Variants in ANKRD55 observed in about 807,000 individuals in gnomAD.
ANKRD55 encodes the protein ankyrin repeat domain 55.
ANKRD55 carries 41 observed loss-of-function variants against 60.6 expected under a neutral mutation model. The ratio of observed to expected loss-of-function variants is 0.68; its 90% CI spans 0.53 to 0.88. ANKRD55 has a LOEUF of 0.88. ANKRD55 is among the 40% of genes least tolerant of loss of function. The probability of loss-of-function intolerance (pLI) is 0.00; values close to 1 mark genes in which losing one functional copy is unlikely to be tolerated. For missense variants in ANKRD55, 732 were observed against 767.6 expected, an observed-to-expected ratio of 0.95 and a Z score of 0.55; for synonymous variants, 264 against 290.3, an observed-to-expected ratio of 0.91 and a Z score of 0.92.
intron 2 of ANKRD55, among the ~76,000 whole-genome samples, chr5:56,201,103 C>T (rs1046124561): frequency 7.2e-5 from 11 of 152,116 alleles, no homozygotes; most frequent in African/African-American, 1.9e-4. Context: ...TATGGCAGGA[C>T]GGGAAGAATC....
chr5:56,164,867 C>A (rs1014129727), intron 5 of ANKRD55, among the ~76,000 whole-genome samples: 6 of 152,130 alleles, frequency 3.9e-5, no homozygotes, highest in African/African-American at 1.4e-4. Flanking sequence ...TGTGCCTTCA[C>A]GTTCATGATT....
intron 9 of ANKRD55, among the ~76,000 whole-genome samples, chr5:56,114,854 A>G (rs1187661849): frequency 6.6e-6 from 1 of 152,172 alleles, no homozygotes; most frequent in Non-Finnish European, 1.5e-5. Flanking sequence ...CTACGTATTT[A>G]TATAAGGCTG....
At position 56,100,046 on chromosome 5, in the gene ANKRD55, A is replaced by G. The variant is rs1756222414; in HGVS notation, c.*137T>C. 1 of 1,159,420 alleles carries G rather than the reference A, an allele frequency of 8.6e-7. No homozygotes were observed. The allele number at this position is 1,159,420 out of a possible 1,614,324, so 71.8% of individuals were successfully genotyped here. A position where few individuals can be genotyped will look rare whatever the true frequency, so the allele number is the denominator to read the frequency against. ...GGAGTATCTTTATTTGGAATAAAGA[A>G]TTTCGAGTTATAAAACTGATGGCTT... On this transcript the variant is annotated 3_prime_UTR_variant, in exon 12 of 12. Coordinates refer to ENST00000341048, the MANE Select transcript of ANKRD55 (RefSeq NM_024669.3).
intron 2 of ANKRD55, among the ~76,000 whole-genome samples, chr5:56,221,880 AAGGAGGCCTGCCTGCC>A (rs1412904494): frequency 1.3e-5 from 2 of 152,250 alleles, no homozygotes; most frequent in East Asian, 3.9e-4. Context: ...ACCGCAGTTC[AAGGAGGCCTGCCTGCC>A]TCTGTAGACT....
intron 2 of ANKRD55, among the ~76,000 whole-genome samples, chr5:56,186,977 A>C (rs1163544681): frequency 6.6e-6 from 1 of 152,262 alleles, no homozygotes; most frequent in African/African-American, 2.4e-5. Flanking sequence ...TATAACAGAC[A>C]TAAATGTATT....
chr5:56,111,197 G>A lies in ANKRD55; in HGVS notation c.1551C>T (p.Asp517=), dbSNP rs773228336. 6.2e-6 allele frequency: 10 copies of A among 1,614,122 alleles called. No homozygotes were observed. Among genetic ancestry groups the A allele is most frequent in the Non-Finnish European group, 1.7e-6 (2 of 1,180,058 alleles). The change falls in exon 10 of 12, where the codon GAC becomes GAT. Residue 517 remains aspartate, a synonymous_variant. Transcript: ENST00000341048. ...GACCAGGCCGGACACTGAGCAATCT[G>A]TCCAGCAGCTTATCAGAAGAAGACA... ...WTVSSSDKLL[D]RLLSVRPGHQ... is the part of the protein sequence containing the mutation.
chr5:56,192,526 T>G, intron 2 of ANKRD55: 1 of 323,042 alleles, frequency 3.1e-6, no homozygotes, highest in African/African-American at 2.2e-5. Context: ...CCACGGCCGA[T>G]GACAGAAATA....
chr5:56,223,109 T>G (rs1013983820), intron 2 of ANKRD55, among the ~76,000 whole-genome samples: 2 of 152,120 alleles, frequency 1.3e-5, no homozygotes, highest in Non-Finnish European at 2.9e-5. Context: ...GAGAGAAAGG[T>G]CGGGTTACCC....
intron 2 of ANKRD55, among the ~76,000 whole-genome samples, chr5:56,228,798 A>G (rs1226814425): frequency 6.6e-6 from 1 of 152,090 alleles, no homozygotes; most frequent in East Asian, 1.9e-4. Context: ...GTTTTAAGCT[A>G]CCCAGCTTGT....
chr5:56,107,106 C>G (rs1372049800), intron 10 of ANKRD55, among the ~76,000 whole-genome samples: 6 of 151,628 alleles, frequency 4.0e-5, no homozygotes, highest in African/African-American at 9.7e-5. Flanking sequence ...AATGACTAAG[C>G]TCCTTTCCAT....
intron 7 of ANKRD55, among the ~76,000 whole-genome samples, chr5:56,143,024 C>T (rs10065637): frequency 0.15 from 22,163 of 152,124 alleles, 2,095 homozygotes; most frequent in Middle Eastern, 0.31. Context: ...GAAATGCTGA[C>T]TGAAACCACA....
chr5:56,222,284 C>T (rs1759986075), intron 2 of ANKRD55, among the ~76,000 whole-genome samples: 2 of 152,168 alleles, frequency 1.3e-5, no homozygotes, highest in South Asian at 4.1e-4. Flanking sequence ...AGCTGAGGGT[C>T]ATGACTGTTA....
At chr5:56,116,243 A>C (rs1756882934) in intron 9 of ANKRD55, among the ~76,000 whole-genome samples, 1 of 152,128 alleles carries the variant, frequency 6.6e-6, no homozygotes, top group Non-Finnish European at 1.5e-5. Flanking sequence ...AATTTTTGAG[A>C]GTGTAAAAGG....
At chr5:56,133,438 CAA>C (rs56100693) in intron 7 of ANKRD55, among the ~76,000 whole-genome samples, 1 of 59,456 alleles carries the variant, frequency 1.7e-5, no homozygotes, top group African/African-American at 5.4e-5. Context: ...GACTCCGTCT[CAA>C]AAAAAAAAAA....
At chr5:56,159,230 G>A (rs977909981) in intron 6 of ANKRD55, among the ~76,000 whole-genome samples, 5 of 152,230 alleles carry the variant, frequency 3.3e-5, no homozygotes, top group African/African-American at 1.2e-4. Context: ...GGGAGGCCGA[G>A]GCAGGCAGAT....
chr5:56,123,440 T>A (rs954039315), intron 8 of ANKRD55, among the ~76,000 whole-genome samples: 1 of 152,190 alleles, frequency 6.6e-6, no homozygotes, highest in South Asian at 2.1e-4. Flanking sequence ...AATAGGGCCA[T>A]GTATTTTTCA....
At chr5:56,225,198 T>A (rs1760077809) in intron 2 of ANKRD55, among the ~76,000 whole-genome samples, 1 of 152,162 alleles carries the variant, frequency 6.6e-6, no homozygotes, top group African/African-American at 2.4e-5. Context: ...TCAATAAACG[T>A]AATCCATCAT....
At chr5:56,146,790 C>T (rs1580980329) in intron 6 of ANKRD55, 1 of 152,150 alleles carries the variant, frequency 6.6e-6, no homozygotes, top group Admixed American at 6.6e-5. Context: ...ACTAACCAGG[C>T]CTAACCCTGC....
In ANKRD55 at chr5:56,226,293, C is replaced by A. The variant is rs189228379; in HGVS notation, c.58+6563G>T. ...TGGCTAGCCATATGTAGAAAGCTGA[C>A]ACTGGATCCCTTCCTTACACCTTAT... On this transcript the variant is annotated intron_variant, in intron 2 of 11. Transcript: ENST00000341048. Among the ~76,000 whole-genome samples the A allele has an allele frequency of 9.5e-4, 145 of 152,192 alleles. 3 individuals are homozygous for A. In the Middle Eastern group the frequency reaches 0.027, roughly 29 times the overall value.
Sources: gnomAD v4.1 joint callset for allele counts (sites outside exome capture counted in the v4.1 genomes callset) on GRCh38, gnomAD v4.1.1 for gene constraint, MANE v1.5 for transcripts, NCBI Gene and HGNC (gene_info 2026-07-23, HGNC 2026-07-21) for gene names.